The following AMOTL1 variants were observed in gnomAD, a reference collection of about 807,000 sequenced individuals.
The protein encoded by AMOTL1 is angiomotin like 1, also known as angiomotin-like protein 1.
Under a neutral mutation model 102.9 loss-of-function variants are expected in AMOTL1, and 45 were observed. That is an observed-to-expected ratio of 0.44 (90% CI 0.34 to 0.56). AMOTL1 has a LOEUF of 0.56. Ranked by LOEUF, AMOTL1 falls within the 20% of genes least tolerant of loss-of-function variation. AMOTL1 has a pLI of 0.01. For missense variants in AMOTL1, 1,114 were observed against 1,225.6 expected, an observed-to-expected ratio of 0.91 and a Z score of 1.36; for synonymous variants, 481 against 484.7, an observed-to-expected ratio of 0.99 and a Z score of 0.10.
rs1592058872 is a variant in AMOTL1 at position 94,874,672 on chromosome 11, T to C, written c.*3877T>C. On this transcript the variant is annotated 3_prime_UTR_variant, in exon 13 of 13. Transcript: ENST00000433060. ...GTGCGCACCCTCATGATGCAGTGGC[T>C]GTAGCACCTTCATGCCAGGTGCTGA... 1 of 152,244 alleles carries C rather than the reference T, an allele frequency of 6.6e-6. No individual in the cohort carries two copies. The highest frequency in any genetic ancestry group is 1.9e-4 in the East Asian group (1 of 5,204). The allele number at this position is 152,244 out of a possible 1,614,324, so 9.4% of individuals were successfully genotyped here.
At chr11:94,858,117 G>A (rs1033631052) in intron 8 of AMOTL1, among the ~76,000 whole-genome samples, 49 of 152,122 alleles carry the variant, frequency 3.2e-4, no homozygotes, top group African/African-American at 1.2e-3. Context: ...AAACTGACAA[G>A]CATAGATGGC....
chr11:94,825,580 G>A (rs904441260), intron 4 of AMOTL1, among the ~76,000 whole-genome samples: 9 of 152,128 alleles, frequency 5.9e-5, no homozygotes, highest in Non-Finnish European at 1.0e-4. Context: ...CTGACACCTA[G>A]GCCGAAAAGG....
chr11:94,819,678 C>T (rs1360078145), intron 3 of AMOTL1, among the ~76,000 whole-genome samples: 1 of 152,150 alleles, frequency 6.6e-6, no homozygotes. Context: ...TCATGTCTCC[C>T]TAACGTGTAT....
At chr11:94,785,221 C>G (rs1019413720) in intron 1 of AMOTL1, among the ~76,000 whole-genome samples, 1 of 152,150 alleles carries the variant, frequency 6.6e-6, no homozygotes, top group African/African-American at 2.4e-5. Context: ...TACAACTCTC[C>G]TAATTTTAAT....
At chr11:94,814,234 T>C (rs1178960855) in intron 3 of AMOTL1, among the ~76,000 whole-genome samples, 1 of 152,162 alleles carries the variant, frequency 6.6e-6, no homozygotes, top group African/African-American at 2.4e-5. Context: ...ACGTCATCAG[T>C]GATGGTGACT....
intron 7 of AMOTL1, among the ~76,000 whole-genome samples, chr11:94,853,492 T>C (rs1480952205): frequency 6.6e-6 from 1 of 152,222 alleles, no homozygotes; most frequent in Non-Finnish European, 1.5e-5. Context: ...TTCCTTTTTA[T>C]GGCTGCATAG....
At chr11:94,831,646 T>A in intron 6 of AMOTL1, 105 bp downstream of exon 6, 1 of 1,020,174 alleles carries the variant, frequency 9.8e-7, no homozygotes, top group Non-Finnish European at 1.5e-6. Context: ...GTTTGCTTTT[T>A]GTTTGTTAAT....
At chr11:94,865,212 T>C (rs145280785) in intron 10 of AMOTL1, among the ~76,000 whole-genome samples, 1 of 152,280 alleles carries the variant, frequency 6.6e-6, no homozygotes, top group African/African-American at 2.4e-5. Flanking sequence ...ATCCCAAAGA[T>C]TCAGAGTTTT....
At chr11:94,798,370 AG>A (rs1293864091) in intron 2 of AMOTL1, among the ~76,000 whole-genome samples, 1 of 152,160 alleles carries the variant, frequency 6.6e-6, no homozygotes, top group Admixed American at 6.5e-5. Flanking sequence ...GGGTTGGCAG[AG>A]ATGTTGAGAA....
At chr11:94,732,869 G>A (rs1950376394) in intron 2 of AMOTL1, among the ~76,000 whole-genome samples, 1 of 152,102 alleles carries the variant, frequency 6.6e-6, no homozygotes, top group Non-Finnish European at 1.5e-5. Flanking sequence ...GAAATTCAGT[G>A]GTACTGTTCC....
At chr11:94,711,791 A>G (rs1591878293) in intron 1 of AMOTL1, among the ~76,000 whole-genome samples, 1 of 152,082 alleles carries the variant, frequency 6.6e-6, no homozygotes, top group Non-Finnish European at 1.5e-5. Context: ...ACTGTGTTGT[A>G]TTGAATAGTA....
chr11:94,742,824 T>C (rs1230440790), intron 3 of AMOTL1, among the ~76,000 whole-genome samples: 3 of 152,338 alleles, frequency 2.0e-5, no homozygotes, highest in East Asian at 3.9e-4. Context: ...GCCTGCTTCC[T>C]GGTTCATAGA....
rs1012207027 is a variant in AMOTL1, at chr11:94,787,521, T to C, written c.50-7490T>C. On this transcript the variant is annotated intron_variant, in intron 1 of 12. Coordinates refer to ENST00000433060, the MANE Select transcript of AMOTL1 (RefSeq NM_130847.3). ...TGGCTAACACGGTGAAACCCCGTCTTTACTAAAAATACAAAAATTAGCCGG... is the reference window on the plus strand; with the variant it reads ...TGGCTAACACGGTGAAACCCCGTCTCTACTAAAAATACAAAAATTAGCCGG... Among the ~76,000 whole-genome samples the C allele has an allele frequency of 4.6e-5, 7 of 150,900 alleles. No homozygotes were observed. In the Middle Eastern group the frequency reaches 0.01, roughly 221 times the overall value.
upstream of AMOTL1, among the ~76,000 whole-genome samples, chr11:94,767,607 A>G (rs1204414924): frequency 6.6e-6 from 1 of 152,210 alleles, no homozygotes; most frequent in Non-Finnish European, 1.5e-5. Context: ...CAGAAGTGCT[A>G]TGGGGCAGGC....
chr11:94,774,699 G>A (rs1226453752), intron 1 of AMOTL1, among the ~76,000 whole-genome samples: 1 of 152,160 alleles, frequency 6.6e-6, no homozygotes, highest in Non-Finnish European at 1.5e-5. Flanking sequence ...CTAAGACTTT[G>A]CATTTCTAAC....
intron 6 of AMOTL1, among the ~76,000 whole-genome samples, chr11:94,848,624 G>A (rs1952468386): frequency 6.6e-6 from 1 of 152,182 alleles, no homozygotes; most frequent in African/African-American, 2.4e-5. Context: ...CCCACTGGCT[G>A]GGAGACCCTG....
chr11:94,849,988 A>G (rs1464811035), intron 6 of AMOTL1, 126 bp from the exon 7 acceptor site: 3 of 1,179,824 alleles, frequency 2.5e-6, no homozygotes, highest in Non-Finnish European at 3.5e-6. Context: ...GAGCAGAAAC[A>G]GCAATTCAGT....
chr11:94,870,986 C>T lies in AMOTL1; in HGVS notation c.*191C>T, dbSNP rs11020969. ...ACATGACTGAAGATAGAAGAGAATG[C>T]GATGGATTTTATTACACATGGTGGA... On this transcript the variant is annotated 3_prime_UTR_variant, in exon 13 of 13. Coordinates refer to ENST00000433060, the MANE Select transcript of AMOTL1 (RefSeq NM_130847.3). 8.3e-6 allele frequency: 4 copies of T among 479,722 alleles called. No homozygotes were observed. In the East Asian group the frequency reaches 9.3e-5, roughly 11 times the overall value. 29.7% of individuals were successfully genotyped at this position (479,722 alleles called of 1,614,324 possible).
chr11:94,727,311 T>C (rs1950276698), intron 1 of AMOTL1, among the ~76,000 whole-genome samples: 2 of 152,216 alleles, frequency 1.3e-5, no homozygotes, highest in Admixed American at 1.3e-4. Context: ...TCAGCAAAGA[T>C]ATAAAATGTT....
Sources: allele counts gnomAD v4.1 joint callset (sites outside exome capture counted in the v4.1 genomes callset), GRCh38; gene constraint gnomAD v4.1.1; transcripts MANE v1.5; gene names NCBI Gene and HGNC (gene_info 2026-07-23, HGNC 2026-07-21).